The following GRID1 variants were observed in gnomAD, a reference collection of about 807,000 sequenced individuals.
GRID1 encodes glutamate ionotropic receptor delta type subunit 1.
A neutral mutation model predicts 98.0 loss-of-function variants in GRID1; 28 were observed. The ratio of observed to expected loss-of-function variants is 0.29; its 90% CI spans 0.21 to 0.39. The LOEUF (loss-of-function observed/expected upper bound fraction) is 0.39, where lower values mean the gene tolerates loss of function less well. Among genes scored for constraint, GRID1 ranks in the 10% least tolerant of loss-of-function variants. The pLI is 1.00. For synonymous variants in GRID1, 553 were observed against 538.5 expected, an observed-to-expected ratio of 1.03 and a Z score of -0.37; for missense variants, 1,111 against 1,340.5, an observed-to-expected ratio of 0.83 and a Z score of 2.67.
At chr10:85,833,989 C>A (rs1842891859) in intron 8 of GRID1, among the ~76,000 whole-genome samples, 1 of 152,094 alleles carries the variant, frequency 6.6e-6, no homozygotes, top group Non-Finnish European at 1.5e-5. Context: ...GTGTATGGGA[C>A]AATAACAAGA....
rs1257222045 is a variant in GRID1, at chr10:86,275,695, A to T, written c.236-69047T>A. On this transcript the variant is annotated intron_variant, in intron 2 of 15. Transcript: ENST00000327946. ...TGAACAGACAGAAGACAGTGAACTT[A>T]AAGATAGGACAACTGAAATTATCAA... is the stretch of plus-strand genomic sequence containing the variant. Among the ~76,000 whole-genome samples, 3 of 152,164 alleles carry T rather than the reference A, an allele frequency of 2.0e-5. No homozygotes were observed. The East Asian group carries it at 5.8e-4, about 29-fold the overall frequency.
At chr10:86,207,081 G>A (rs960248417) in intron 2 of GRID1, among the ~76,000 whole-genome samples, 1 of 152,054 alleles carries the variant, frequency 6.6e-6, no homozygotes, top group Non-Finnish European at 1.5e-5. Context: ...CTAGCCACAG[G>A]CAGAGAATAT....
chr10:85,987,778 T>A (rs1422236178), intron 4 of GRID1, among the ~76,000 whole-genome samples: 1 of 151,790 alleles, frequency 6.6e-6, no homozygotes, highest in East Asian at 2.0e-4. Flanking sequence ...GAGTAGTGCT[T>A]CCTCAGGGGC....
At chr10:85,641,774 C>G (rs1843122081) in intron 13 of GRID1, among the ~76,000 whole-genome samples, 1 of 152,158 alleles carries the variant, frequency 6.6e-6, no homozygotes, top group South Asian at 2.1e-4. Flanking sequence ...CAGGCCAGAC[C>G]AGCAGTAAAG....
At chr10:85,807,248 G>A (rs1842631205) in intron 8 of GRID1, among the ~76,000 whole-genome samples, 3 of 151,966 alleles carry the variant, frequency 2.0e-5, no homozygotes, top group Admixed American at 1.3e-4. Flanking sequence ...TACTCGGGAG[G>A]CAGAAGCAGG....
chr10:86,075,877 C>T (rs904187043), intron 4 of GRID1, among the ~76,000 whole-genome samples: 3 of 152,222 alleles, frequency 2.0e-5, no homozygotes, highest in African/African-American at 7.2e-5. Context: ...TAGAAATAGG[C>T]CTACCACTGG....
intron 4 of GRID1, among the ~76,000 whole-genome samples, chr10:86,022,272 A>T (rs897235374): frequency 6.6e-6 from 1 of 152,188 alleles, no homozygotes; most frequent in South Asian, 2.1e-4. Flanking sequence ...CATACTTAAA[A>T]TTTTTTCTAA....
intron 2 of GRID1, among the ~76,000 whole-genome samples, chr10:86,313,767 G>A (rs909592187): frequency 1.4e-4 from 21 of 152,170 alleles, no homozygotes; most frequent in East Asian, 1.9e-4. Flanking sequence ...TGCACCCTGC[G>A]CTGGGGCGTC....
In GRID1 at chr10:85,602,655, A is replaced by G; in HGVS notation, c.2648T>C (p.Leu883Pro). ...CTTGTGAGCAATGTCTTCATCCATG[A>G]GGCTGTTCATGCGCCGGTGGACCTG... ...LEQVHRRMNSLMDEDIAHKQI... is the reference protein window; with the variant it reads ...LEQVHRRMNSPMDEDIAHKQI... The change falls in exon 16 of 16, where the codon CTC becomes CCC. Residue 883 changes from leucine (L) to proline (P), a missense_variant. Coordinates refer to ENST00000327946, the MANE Select transcript of GRID1 (RefSeq NM_017551.3). 6.2e-7 allele frequency: 1 copy of G among 1,613,762 alleles called. No individual in the cohort carries two copies. Among genetic ancestry groups the G allele is most frequent in the Non-Finnish European group, 8.5e-7 (1 of 1,179,858 alleles).
rs142082453 is a variant in GRID1 at position 86,150,320 on chromosome 10, G to A, written c.521-11296C>T. On this transcript the variant is annotated intron_variant, in intron 3 of 15. Transcript: ENST00000327946. Reference sequence around the variant, plus strand: ...CTTCATTTCTTTTCTCCCTCTCTGCGGCTTGTGAGGAAGGCTAACCATACC... The same window carrying A: ...CTTCATTTCTTTTCTCCCTCTCTGCAGCTTGTGAGGAAGGCTAACCATACC... Among the ~76,000 whole-genome samples, 457 of 152,252 alleles carry A rather than the reference G, an allele frequency of 3.0e-3. 2 individuals are homozygous for A. The highest frequency in any genetic ancestry group is 0.011 in the African/African-American group (438 of 41,546).
At chr10:86,300,176 A>AAAGAAAGCTACGG in intron 2 of GRID1, among the ~76,000 whole-genome samples, 1 of 152,084 alleles carries the variant, frequency 6.6e-6, no homozygotes, top group South Asian at 2.1e-4. Context: ...TCTACAAGCC[A>AAAGAAAGCTACGG]AAGAAAGCTA....
intron 8 of GRID1, among the ~76,000 whole-genome samples, chr10:85,817,469 TG>T (rs1164799527): frequency 2.6e-5 from 4 of 152,064 alleles, no homozygotes; most frequent in Non-Finnish European, 4.4e-5. Flanking sequence ...AAGGCTGCAG[TG>T]GGCCATATTT....
Position 86,242,241 on chromosome 10 carries a change from A to G in GRID1, c.236-35593T>C, listed in dbSNP as rs1046153604. Among the ~76,000 whole-genome samples, 3 of 152,212 alleles carry G rather than the reference A, an allele frequency of 2.0e-5. No individual in the cohort carries two copies. In the East Asian group the frequency reaches 5.8e-4, roughly 29 times the overall value. ...GAATAAGGTCAGGTGTTCCTGGCAG[A>G]AGGAACAACACATACGAAGATCGGA... On this transcript the variant is annotated intron_variant, in intron 2 of 15. Coordinates refer to ENST00000327946, the MANE Select transcript of GRID1 (RefSeq NM_017551.3).
intron 8 of GRID1, among the ~76,000 whole-genome samples, chr10:85,821,886 A>G (rs1277143357): frequency 1.3e-5 from 2 of 152,146 alleles, no homozygotes; most frequent in Non-Finnish European, 2.9e-5. Flanking sequence ...AATACCACAC[A>G]TCTACAACCA....
chr10:85,712,047 T>C (rs1841587143), intron 12 of GRID1, among the ~76,000 whole-genome samples: 1 of 151,454 alleles, frequency 6.6e-6, no homozygotes, highest in South Asian at 2.1e-4. Flanking sequence ...GTTAAAATGG[T>C]AAAGAAAAAA....
chr10:85,657,698 C>T (rs555266177), intron 12 of GRID1, among the ~76,000 whole-genome samples: 7 of 152,262 alleles, frequency 4.6e-5, no homozygotes, highest in African/African-American at 9.6e-5. Flanking sequence ...CACAAAGCTA[C>T]GTGGGTCCAG....
intron 4 of GRID1, among the ~76,000 whole-genome samples, chr10:85,998,452 C>A (rs1383098895): frequency 6.6e-6 from 1 of 151,850 alleles, no homozygotes; most frequent in African/African-American, 2.4e-5. Context: ...ATGGAAAACA[C>A]AACACTGCAC....
At chr10:86,168,939 G>C (rs552078458) in intron 3 of GRID1, among the ~76,000 whole-genome samples, 1 of 152,182 alleles carries the variant, frequency 6.6e-6, no homozygotes, top group Admixed American at 6.5e-5. Flanking sequence ...TGTGGGGAAA[G>C]AAATTGAAGC....
intron 4 of GRID1, among the ~76,000 whole-genome samples, chr10:85,949,421 A>G (rs769016827): frequency 6.6e-6 from 1 of 152,184 alleles, no homozygotes; most frequent in African/African-American, 2.4e-5. Flanking sequence ...GTCATAAAAC[A>G]ATACATCATG....
Sources: allele counts gnomAD v4.1 joint callset (sites outside exome capture counted in the v4.1 genomes callset), GRCh38; gene constraint gnomAD v4.1.1; transcripts MANE v1.5; gene names NCBI Gene and HGNC (gene_info 2026-07-23, HGNC 2026-07-21).